The following TMEM63B variants were observed in gnomAD, a reference collection of about 807,000 sequenced individuals.
TMEM63B encodes transmembrane protein 63B, also known as mechanosensitive cation channel TMEM63B.
Under a neutral mutation model 102.6 loss-of-function variants are expected in TMEM63B, and 23 were observed. The observed-to-expected ratio is 0.22, with a 90% CI of 0.16 to 0.32. TMEM63B has a LOEUF of 0.32. Among genes scored for constraint, TMEM63B ranks in the 10% least tolerant of loss-of-function variants. TMEM63B has a pLI of 1.00. For synonymous variants in TMEM63B, 444 were observed against 437.0 expected (o/e 1.02, Z -0.20); for missense variants, 628 against 1,095.9 (o/e 0.57, Z 6.03).
chr6:44,139,669 T>C (rs1763825825), intron 7 of TMEM63B, 39 bp from the exon 8 acceptor site: 1 of 1,613,986 alleles, frequency 6.2e-7, no homozygotes, highest in African/African-American at 1.3e-5. Flanking sequence ...GGATGTGCCC[T>C]GACCCCACCA....
At chr6:44,126,852 T>C (rs1199243047), upstream of TMEM63B, 1 of 152,244 alleles carries the variant, frequency 6.6e-6, no homozygotes, top group Non-Finnish European at 1.5e-5. Flanking sequence ...GGGAACCCCC[T>C]GGCCTGGGGG....
At chr6:44,147,559 G>C (rs1765677261) in intron 12 of TMEM63B, 59 bp downstream of exon 12, 1 of 1,591,680 alleles carries the variant, frequency 6.3e-7, no homozygotes. Flanking sequence ...GGCAGGCAAG[G>C]CTGGGGCCCT....
rs78471995 is a variant in TMEM63B at position 44,147,656 on chromosome 6, G to T, written c.987+156G>T. On this transcript the variant is annotated intron_variant, in intron 12 of 23. Transcript: ENST00000323267. ...TTGTCTAATGTCCCTACAGTGACCA[G>T]GTTTTCAAACCTCAAATTAGAAAAT... Among the ~76,000 whole-genome samples the T allele has an allele frequency of 3.0e-3, 460 of 152,276 alleles. 2 individuals carry two copies. Among genetic ancestry groups the T allele is most frequent in the Non-Finnish European group, 4.2e-3 (283 of 68,026 alleles).
chr6:44,136,260 G>A, intron 4 of TMEM63B, 89 bp from the exon 5 acceptor site: 2 of 1,055,094 alleles, frequency 1.9e-6, no homozygotes, highest in African/African-American at 1.6e-5. Context: ...TGTGCCTTCT[G>A]TAGCCCTGGA....
At position 44,148,436 on chromosome 6, in the gene TMEM63B, G is replaced by A; in HGVS notation, c.1121+51G>A. 6.2e-7 allele frequency: 1 copy of A among 1,613,596 alleles called. No individual in the cohort carries two copies. Among genetic ancestry groups the A allele is most frequent in the South Asian group, 1.1e-5 (1 of 91,034 alleles). On this transcript the variant is annotated intron_variant, in intron 13 of 23. Coordinates refer to ENST00000323267, the MANE Select transcript of TMEM63B (RefSeq NM_018426.3). This position sits in a 1 kb window ranked among gnomAD's most constrained non-coding sequence, Gnocchi z 5.1. Reference sequence around the variant, plus strand: ...CCTGAGCAGCCCTCCAGGGCTCCCTGACCCCTGTGCTCATGGCCTTCTGCC... The same window carrying A: ...CCTGAGCAGCCCTCCAGGGCTCCCTAACCCCTGTGCTCATGGCCTTCTGCC...
At chr6:44,147,917 G>C (rs990866609) in intron 12 of TMEM63B, among the ~76,000 whole-genome samples, 1 of 152,222 alleles carries the variant, frequency 6.6e-6, no homozygotes, top group African/African-American at 2.4e-5. Flanking sequence ...TGAGCCAGGA[G>C]TTTGAGACCA....
At chr6:44,135,294 G>GC (rs747616444) in intron 3 of TMEM63B, 34 bp from the exon 4 acceptor site, 35 of 1,605,138 alleles carry the variant, frequency 2.2e-5, no homozygotes, top group Non-Finnish European at 2.9e-5. Flanking sequence ...ACTCTCCCCC[G>GC]CCCCTGCTAA....
intron 18 of TMEM63B, 45 bp from the exon 19 acceptor site, chr6:44,151,801 C>G: frequency 6.5e-7 from 1 of 1,534,410 alleles, no homozygotes; most frequent in Non-Finnish European, 8.8e-7. Flanking sequence ...GGGCGGCCAC[C>G]GGGTCACCCC....
chr6:44,136,091 A>G (rs1462402336), intron 4 of TMEM63B, among the ~76,000 whole-genome samples: 2 of 152,168 alleles, frequency 1.3e-5, no homozygotes, highest in African/African-American at 4.8e-5. Flanking sequence ...TAGGGAGATG[A>G]TGAAGATTAC....
chr6:44,148,175 A>G lies in TMEM63B; in HGVS notation c.988-77A>G, dbSNP rs1238288398. ...AGTGCCTGGCTTGTAGGAAGCCCCA[A>G]GTCAGCGTGGGCTGGATGCTGCAGG... On this transcript the variant is annotated intron_variant, in intron 12 of 23. Coordinates refer to ENST00000323267, the MANE Select transcript of TMEM63B (RefSeq NM_018426.3). The surrounding 1 kb of genome is among the most constrained non-coding windows in gnomAD (Gnocchi z 5.1). The G allele has an allele frequency of 1.1e-5, 17 of 1,578,586 alleles. No individual in the cohort carries two copies. Among genetic ancestry groups the G allele is most frequent in the South Asian group, 9.2e-5 (8 of 87,248 alleles).
chr6:44,154,163 A>C lies in TMEM63B; in HGVS notation c.2201A>C (p.Lys734Thr). 1 of 1,614,038 alleles carries C rather than the reference A, an allele frequency of 6.2e-7. No individual in the cohort carries two copies. The highest frequency in any genetic ancestry group is 1.1e-5 in the South Asian group (1 of 91,080). ...CLCHVCFGHF[K>T]YLSAHNYKIE... is the part of the protein sequence containing the mutation. Reference sequence around the variant, plus strand: ...TGCCACGTCTGCTTTGGACACTTCAAATACCTCAGTGCCCACAACTACAAG... The same window carrying C: ...TGCCACGTCTGCTTTGGACACTTCACATACCTCAGTGCCCACAACTACAAG... Residue 734 changes from lysine to threonine, a missense_variant, in exon 22 of 24, where the codon AAA (lysine) becomes ACA (threonine). Coordinates refer to ENST00000323267, the MANE Select transcript of TMEM63B (RefSeq NM_018426.3).
chr6:44,132,311 CT>C, intron 1 of TMEM63B: 1 of 985,396 alleles, frequency 1.0e-6, no homozygotes, highest in Non-Finnish European at 1.2e-6. Context: ...TACTAACCAT[CT>C]AGCTAGATCC....
intron 21 of TMEM63B, 95 bp downstream of exon 21, chr6:44,153,938 G>A: frequency 1.9e-6 from 3 of 1,570,450 alleles, no homozygotes; most frequent in Non-Finnish European, 2.6e-6. Flanking sequence ...GGGGGTGGCA[G>A]GCAAGGGGCC....
rs1424846008 is a variant in TMEM63B, at chr6:44,139,482, G to A, written c.423G>A (p.Arg141=). 10 of 1,614,052 alleles carry A rather than the reference G, an allele frequency of 6.2e-6. No homozygotes were observed. The highest frequency in any genetic ancestry group is 8.5e-6 in the Non-Finnish European group (10 of 1,180,030). ...ATGGCTGCAGGGATGATGAGATCCGGGACAAATGTGGGGGCGATGCCGTGC... is the reference window on the plus strand; with the variant it reads ...ATGGCTGCAGGGATGATGAGATCCGAGACAAATGTGGGGGCGATGCCGTGC... ...AIFRIKDDEI[R]DKCGGDAVHY... is the part of the protein sequence containing the mutation. The change falls in exon 7 of 24, where the codon CGG becomes CGA. Residue 141 remains arginine, a synonymous_variant. Transcript: ENST00000323267.
intron 1 of TMEM63B, among the ~76,000 whole-genome samples, chr6:44,133,771 A>G (rs945149642): frequency 3.9e-5 from 6 of 152,248 alleles, no homozygotes; most frequent in African/African-American, 1.4e-4. Context: ...TTGCCAGTGG[A>G]AAAGCTTGCC....
Position 44,140,327 on chromosome 6 carries a change from C to T in TMEM63B, c.678C>T (p.His226=). ...TCACCGTCTACAGCATGCGTAGACACACCTCCAAGATGCGCTACAAGGAGG... is the reference window on the plus strand; with the variant it reads ...TCACCGTCTACAGCATGCGTAGACATACCTCCAAGATGCGCTACAAGGAGG... ...LLLTVYSMRR[H]TSKMRYKEDD... The change falls in exon 9 of 24, where the codon CAC becomes CAT. Residue 226 remains histidine, a synonymous_variant. Coordinates refer to ENST00000323267, the MANE Select transcript of TMEM63B (RefSeq NM_018426.3). The T allele has an allele frequency of 6.2e-7, 1 of 1,613,952 alleles. No homozygotes were observed. The highest frequency in any genetic ancestry group is 8.5e-7 in the Non-Finnish European group (1 of 1,179,870).
chr6:44,151,745 C>G, intron 18 of TMEM63B, 101 bp from the exon 19 acceptor site: 3 of 1,362,786 alleles, frequency 2.2e-6, no homozygotes, highest in Non-Finnish European at 3.0e-6. Flanking sequence ...ATGGAAGAAG[C>G]ATGTTGGTGG....
rs763215604 is a variant in TMEM63B at position 44,135,388 on chromosome 6, T to C, written c.278+22T>C. Reference sequence around the variant, plus strand: ...AATAGTATGTGGGGCACCAGCCCCCTCATTCCCACTAAACCAGCTTTCCCT... The same window carrying C: ...AATAGTATGTGGGGCACCAGCCCCCCCATTCCCACTAAACCAGCTTTCCCT... On this transcript the variant is annotated intron_variant, in intron 4 of 23. Transcript: ENST00000323267. The C allele has an allele frequency of 1.2e-5, 20 of 1,603,718 alleles. No individual in the cohort carries two copies. In the South Asian group the frequency reaches 2.1e-4, roughly 17 times the overall value.
chr6:44,154,512 G>C, intron 23 of TMEM63B, 67 bp downstream of exon 23: 1 of 1,591,156 alleles, frequency 6.3e-7, no homozygotes. Context: ...TGTTCCCTTA[G>C]TCCTGCAGAA....
Sources: gnomAD v4.1 joint callset for allele counts (sites outside exome capture counted in the v4.1 genomes callset) on GRCh38, gnomAD v4.1.1 for gene constraint, Gnocchi (gnomAD v3.1) non-coding constraint, MANE v1.5 for transcripts, NCBI Gene and HGNC (gene_info 2026-07-23, HGNC 2026-07-21) for gene names.